Variants in CTCF observed in about 807,000 individuals in gnomAD.
CTCF encodes CCCTC-binding factor.
In CTCF, 7 loss-of-function variants were observed where a neutral mutation model predicts 72.3. The observed-to-expected ratio is 0.10, with a 90% CI of 0.06 to 0.18. The LOEUF is 0.18. CTCF is among the 10% of genes least tolerant of loss of function. The probability of loss-of-function intolerance (pLI) is 1.00; values close to 1 mark genes in which losing one functional copy is unlikely to be tolerated. For missense variants in CTCF, 516 were observed against 949.1 expected (o/e 0.54, Z 6.00); for synonymous variants, 374 against 315.8 (o/e 1.18, Z -1.95).
intron 2 of CTCF, among the ~76,000 whole-genome samples, chr16:67,591,209 TTGAACA>T (rs1403523466): frequency 1.3e-5 from 2 of 151,882 alleles, no homozygotes; most frequent in Non-Finnish European, 2.9e-5. Flanking sequence ...TGAGAATTGC[TTGAACA>T]CAGGAGGCAG....
At chr16:67,572,958 C>CCA (rs2051444764) in intron 2 of CTCF, among the ~76,000 whole-genome samples, 1 of 134,386 alleles carries the variant, frequency 7.4e-6, no homozygotes, top group Non-Finnish European at 1.6e-5. Flanking sequence ...CCCCCCCCCC[C>CCA]AAAACAACAA....
Position 67,638,008 on chromosome 16 carries a change from C to A in CTCF, c.*136C>A, listed in dbSNP as rs1567620804. The A allele has an allele frequency of 1.3e-6, 1 of 751,422 alleles. No individual in the cohort carries two copies. The highest frequency in any genetic ancestry group is 2.1e-6 in the Non-Finnish European group (1 of 483,244). The allele number at this position is 751,422 out of a possible 1,614,324, so 46.5% of individuals were successfully genotyped here. A position where few individuals can be genotyped will look rare whatever the true frequency, so the allele number is the denominator to read the frequency against. On this transcript the variant is annotated 3_prime_UTR_variant, in exon 12 of 12. Coordinates refer to ENST00000264010, the MANE Select transcript of CTCF (RefSeq NM_006565.4). Reference sequence around the variant, plus strand: ...CCAAACATACCGAGAACGAAAACTTCAAGGATGATGTTAGAAAAAAATGTG... The same window carrying A: ...CCAAACATACCGAGAACGAAAACTTAAAGGATGATGTTAGAAAAAAATGTG...
chr16:67,616,709 G>A lies in CTCF; in HGVS notation c.953-36G>A, dbSNP rs1208466981. The A allele has an allele frequency of 1.9e-6, 3 of 1,612,290 alleles. No individual in the cohort carries two copies. The East Asian group carries it at 6.7e-5, about 36-fold the overall frequency. The stretch of plus-strand genomic sequence containing the variant: ...GAACTCTGTCATTAACTGTGCCCTT[G>A]ATCTTGCTCTTCCTGTTACTCCATC... On this transcript the variant is annotated intron_variant, in intron 4 of 11. Coordinates refer to ENST00000264010, the MANE Select transcript of CTCF (RefSeq NM_006565.4).
At chr16:67,564,129 A>T (rs1245991907) in intron 1 of CTCF, among the ~76,000 whole-genome samples, 2 of 152,228 alleles carry the variant, frequency 1.3e-5, no homozygotes, top group African/African-American at 2.4e-5. Context: ...CCAAGTCCTC[A>T]TAGGTGGGAA....
intron 2 of CTCF, among the ~76,000 whole-genome samples, chr16:67,574,605 G>T: frequency 6.7e-6 from 1 of 149,164 alleles, no homozygotes; most frequent in South Asian, 2.1e-4. Context: ...GCCTCCCAAA[G>T]TGCTGGGATT....
At chr16:67,574,098 G>T (rs540862825) in intron 2 of CTCF, among the ~76,000 whole-genome samples, 1 of 151,836 alleles carries the variant, frequency 6.6e-6, no homozygotes, top group South Asian at 2.1e-4. Context: ...AACAGTGTAT[G>T]CCAACTAGGT....
chr16:67,597,948 G>A (rs574600469), intron 2 of CTCF, among the ~76,000 whole-genome samples: 1 of 152,160 alleles, frequency 6.6e-6, no homozygotes, highest in South Asian at 2.1e-4. Flanking sequence ...TGGGGCTGGA[G>A]GGGAAGGGTT....
At chr16:67,619,099 A>G (rs1360136156) in intron 5 of CTCF, among the ~76,000 whole-genome samples, 2 of 152,244 alleles carry the variant, frequency 1.3e-5, no homozygotes, top group Non-Finnish European at 2.9e-5. Context: ...TAACGCTGTT[A>G]GGATAGTTAT....
chr16:67,580,593 C>T (rs892976527), intron 2 of CTCF, among the ~76,000 whole-genome samples: 2 of 151,674 alleles, frequency 1.3e-5, no homozygotes, highest in African/African-American at 4.8e-5. Flanking sequence ...CGAAGTCTCG[C>T]TCTTGTCCAC....
At chr16:67,578,006 T>C (rs1460290473) in intron 2 of CTCF, among the ~76,000 whole-genome samples, 1 of 152,186 alleles carries the variant, frequency 6.6e-6, no homozygotes, top group East Asian at 1.9e-4. Flanking sequence ...AAGAATCCCT[T>C]AACTTTGTTT....
chr16:67,578,505 G>A (rs2051534455), intron 2 of CTCF, among the ~76,000 whole-genome samples: 1 of 151,374 alleles, frequency 6.6e-6, no homozygotes, highest in Admixed American at 6.6e-5. Flanking sequence ...GCGAATTTTT[G>A]TAGTTTTAGT....
At chr16:67,614,339 T>G (rs1389529238) in intron 4 of CTCF, 2 of 116,652 alleles carry the variant, frequency 1.7e-5, no homozygotes, top group Non-Finnish European at 3.4e-5. Flanking sequence ...AGAGTGAGAC[T>G]CCATCTCAAA....
intron 1 of CTCF, chr16:67,563,601 G>A (rs2051307883): frequency 6.6e-6 from 1 of 152,156 alleles, no homozygotes; most frequent in Non-Finnish European, 1.5e-5. Context: ...GAAAAGATGC[G>A]AGTTCCGCAC....
intron 1 of CTCF, among the ~76,000 whole-genome samples, chr16:67,565,907 G>A (rs767335911): frequency 7.2e-5 from 11 of 152,214 alleles, no homozygotes; most frequent in Non-Finnish European, 1.6e-4. Flanking sequence ...GCCCTGGGGA[G>A]GAATCCTGGG....
chr16:67,625,256 T>C lies in CTCF; in HGVS notation c.1358-1299T>C, dbSNP rs570800826. 4.6e-5 allele frequency among the ~76,000 whole-genome samples: 7 copies of C among 152,206 alleles called. No homozygotes were observed. In the East Asian group the frequency reaches 1.4e-3, roughly 29 times the overall value. ...GCTAGAGTACAGTGCAGTAGCACAA[T>C]CTTGGCTCACTGCAACCTCTGCCCC... On this transcript the variant is annotated intron_variant, in intron 7 of 11. Transcript: ENST00000264010.
chr16:67,624,097 G>GTGTT (rs2052244727), intron 7 of CTCF, among the ~76,000 whole-genome samples: 1 of 130,536 alleles, frequency 7.7e-6, no homozygotes. Flanking sequence ...GTGTGTGTGT[G>GTGTT]TGTGTGTGTG....
intron 2 of CTCF, among the ~76,000 whole-genome samples, chr16:67,581,150 G>C (rs528716122): frequency 1.3e-5 from 2 of 149,394 alleles, no homozygotes; most frequent in Admixed American, 6.7e-5. Context: ...GGATGGTCTC[G>C]ATCTGCTGAC....
At chr16:67,635,983 G>A (rs2052423090) in intron 10 of CTCF, among the ~76,000 whole-genome samples, 1 of 151,958 alleles carries the variant, frequency 6.6e-6, no homozygotes, top group African/African-American at 2.4e-5. Flanking sequence ...TGTAATCCCA[G>A]CACTTTGGGA....
chr16:67,619,252 G>A (rs2052171272), intron 5 of CTCF, among the ~76,000 whole-genome samples: 1 of 152,070 alleles, frequency 6.6e-6, no homozygotes, highest in Non-Finnish European at 1.5e-5. Context: ...CCGGGCCAAC[G>A]TGGTGAAACC....
Sources: allele counts gnomAD v4.1 joint callset (sites outside exome capture counted in the v4.1 genomes callset), GRCh38; gene constraint gnomAD v4.1.1; transcripts MANE v1.5; gene names NCBI Gene and HGNC (gene_info 2026-07-23, HGNC 2026-07-21).